ABLIM2: variants seen among roughly 807,000 people sequenced by gnomAD.
The protein encoded by ABLIM2 is actin binding LIM protein family member 2.
A neutral mutation model predicts 97.7 loss-of-function variants in ABLIM2; 53 were observed. The ratio of observed to expected loss-of-function variants is 0.54; its 90% CI spans 0.44 to 0.68. The LOEUF (loss-of-function observed/expected upper bound fraction) is 0.68, where lower values mean the gene tolerates loss of function less well. ABLIM2 is among the 30% of genes least tolerant of loss of function. The pLI is 0.00. For missense variants in ABLIM2, 835 were observed against 867.2 expected (o/e 0.96, Z 0.47); for synonymous variants, 361 against 345.8 (o/e 1.04, Z -0.49).
At chr4:8,064,309 G>A (rs1211346793) in intron 6 of ABLIM2, among the ~76,000 whole-genome samples, 1 of 152,206 alleles carries the variant, frequency 6.6e-6, no homozygotes, top group Non-Finnish European at 1.5e-5. Flanking sequence ...TATTGAGAGG[G>A]GGGCCCTTAA....
chr4:8,020,169 T>C (rs1772511814), intron 13 of ABLIM2, 33 bp downstream of exon 13: 2 of 1,593,660 alleles, frequency 1.3e-6, no homozygotes, highest in Non-Finnish European at 8.6e-7. Flanking sequence ...AGTTTCAGTG[T>C]AAGGAGCCCA....
intron 16 of ABLIM2, among the ~76,000 whole-genome samples, chr4:8,006,683 A>C (rs1560557183): frequency 6.6e-6 from 1 of 152,196 alleles, no homozygotes; most frequent in Admixed American, 6.5e-5. Context: ...TACACCAGCC[A>C]GGGGCAGGGA....
chr4:8,032,326 G>C lies in ABLIM2; in HGVS notation c.1048-2550C>G, dbSNP rs1019116170. Among the ~76,000 whole-genome samples, 4 of 152,146 alleles carry C rather than the reference G, an allele frequency of 2.6e-5. No individual in the cohort carries two copies. The highest frequency in any genetic ancestry group is 4.4e-5 in the Non-Finnish European group (3 of 68,028). ...CGTGGAGGGGCAGGAGGCAGGAAGC[G>C]CTCCCAGGCTCAGCCAGGATCCTGA... On this transcript the variant is annotated intron_variant, in intron 10 of 20. Coordinates refer to ENST00000447017, the MANE Select transcript of ABLIM2 (RefSeq NM_001130083.2). The surrounding 1 kb of genome is among the most constrained non-coding windows in gnomAD (Gnocchi z 4.3).
At chr4:8,126,907 A>G (rs182875750) in intron 1 of ABLIM2, among the ~76,000 whole-genome samples, 1 of 152,100 alleles carries the variant, frequency 6.6e-6, no homozygotes, top group African/African-American at 2.4e-5. Flanking sequence ...CTCTACTAAA[A>G]AAATTAAAAA....
intron 20 of ABLIM2, among the ~76,000 whole-genome samples, chr4:7,979,088 G>C (rs931564945): frequency 7.9e-5 from 12 of 152,242 alleles, no homozygotes; most frequent in African/African-American, 2.9e-4. Flanking sequence ...TTCCTAGCCA[G>C]TTCCTGCTGC....
intron 1 of ABLIM2, among the ~76,000 whole-genome samples, chr4:8,119,027 A>G (rs1365094709): frequency 6.6e-6 from 1 of 152,190 alleles, no homozygotes; most frequent in Non-Finnish European, 1.5e-5. Context: ...CACCTCTCTG[A>G]AACAGGACAA....
At chr4:8,065,954 G>T (rs1169095308) in intron 6 of ABLIM2, among the ~76,000 whole-genome samples, 2 of 142,926 alleles carry the variant, frequency 1.4e-5, no homozygotes, top group African/African-American at 5.2e-5. Context: ...GGGAATGGAA[G>T]GGAAGGAAAG....
rs956484306 is a variant in ABLIM2, at chr4:8,008,173, C to T, written c.1504G>A (p.Gly502Arg). ...KQKSSWLMLK[G>R]DADTRTNSPD... ...GAATTGGTCCTTGTGTCTGCATCCC[C>T]CTTGAGCATCAGCCAGCTGCTCTTC... The change falls in exon 16 of 21, where the codon GGG becomes AGG. Residue 502 changes from glycine to arginine, a missense_variant. Coordinates refer to ENST00000447017, the MANE Select transcript of ABLIM2 (RefSeq NM_001130083.2). 2.5e-5 allele frequency: 40 copies of T among 1,613,704 alleles called. No individual in the cohort carries two copies. Among genetic ancestry groups the T allele is most frequent in the Non-Finnish European group, 3.2e-5 (38 of 1,179,812 alleles).
rs1823026191 is a variant in ABLIM2, at chr4:8,085,622, A to C, written c.454+2547T>G. 6.8e-6 allele frequency among the ~76,000 whole-genome samples: 1 copy of C among 148,030 alleles called. No homozygotes were observed. Among genetic ancestry groups the C allele is most frequent in the South Asian group, 2.1e-4 (1 of 4,700 alleles). On this transcript the variant is annotated intron_variant, in intron 4 of 20. Coordinates refer to ENST00000447017, the MANE Select transcript of ABLIM2 (RefSeq NM_001130083.2). This position sits in a 1 kb window ranked among gnomAD's most constrained non-coding sequence, Gnocchi z 6.1. ...CGGGTCTGGGGGGTGCCCACGCTGC[A>C]GCCCTGTCCACTCACGCAGGTCTGG...
rs887702534 is a variant in ABLIM2, at chr4:8,122,544, C to A, written c.11-15907G>T. On this transcript the variant is annotated intron_variant, in intron 1 of 20. Coordinates refer to ENST00000447017, the MANE Select transcript of ABLIM2 (RefSeq NM_001130083.2). This position sits in a 1 kb window ranked among gnomAD's most constrained non-coding sequence, Gnocchi z 4.1. ...GAGAGCGCGCTCTGGGCAGGAGTCC[C>A]ATCATGAGGACCCCACCCTCACGAC... 5.3e-5 allele frequency among the ~76,000 whole-genome samples: 8 copies of A among 152,184 alleles called. No homozygotes were observed. Among genetic ancestry groups the A allele is most frequent in the Non-Finnish European group, 1.2e-4 (8 of 68,038 alleles).
chr4:8,064,116 C>T (rs1352203708), intron 6 of ABLIM2, among the ~76,000 whole-genome samples: 1 of 152,212 alleles, frequency 6.6e-6, no homozygotes, highest in East Asian at 1.9e-4. Flanking sequence ...CCCTGATTTC[C>T]TTTGTTCTGT....
chr4:8,082,495 C>T lies in ABLIM2; in HGVS notation c.455-1693G>A, dbSNP rs1194270196. Among the ~76,000 whole-genome samples the T allele has an allele frequency of 1.3e-5, 2 of 152,182 alleles. No homozygotes were observed. The highest frequency in any genetic ancestry group is 2.4e-5 in the African/African-American group (1 of 41,422). ...GAGCTCAGCAGAGGCTGCTTCCCTG[C>T]GTGGCTTCATTAGTTTCTTTTGGCA... On this transcript the variant is annotated intron_variant, in intron 4 of 20. Coordinates refer to ENST00000447017, the MANE Select transcript of ABLIM2 (RefSeq NM_001130083.2). This position sits in a 1 kb window ranked among gnomAD's most constrained non-coding sequence, Gnocchi z 5.6.
chr4:8,032,532 C>T lies in ABLIM2; in HGVS notation c.1048-2756G>A. ...TGTCACAAGGGCCGTGGCCCCGGGC[C>T]CCATGGTGAAGAGCCACCGAGGAGG... is the stretch of plus-strand genomic sequence containing the variant. On this transcript the variant is annotated intron_variant, in intron 10 of 20. Coordinates refer to ENST00000447017, the MANE Select transcript of ABLIM2 (RefSeq NM_001130083.2). The surrounding 1 kb of genome is among the most constrained non-coding windows in gnomAD (Gnocchi z 4.3). 1 of 1,362,998 alleles carries T rather than the reference C, an allele frequency of 7.3e-7. No homozygotes were observed. Among genetic ancestry groups the T allele is most frequent in the South Asian group, 1.2e-5 (1 of 82,862 alleles). The allele number at this position is 1,362,998 out of a possible 1,614,324, so 84.4% of individuals were successfully genotyped here. A position where few individuals can be genotyped will look rare whatever the true frequency, so the allele number is the denominator to read the frequency against.
In ABLIM2 at chr4:8,002,900, C is replaced by T. The variant is rs1036347134; in HGVS notation, c.1618+5159G>A. ...AGCCGTGCCAGGTACCGTCTCTCTG[C>T]ACTGACTACTTACTGTATTTGAAAG... is the stretch of plus-strand genomic sequence containing the variant. On this transcript the variant is annotated intron_variant, in intron 16 of 20. Coordinates refer to ENST00000447017, the MANE Select transcript of ABLIM2 (RefSeq NM_001130083.2). The surrounding 1 kb of genome is among the most constrained non-coding windows in gnomAD (Gnocchi z 6.1). Among the ~76,000 whole-genome samples, 9 of 152,234 alleles carry T rather than the reference C, an allele frequency of 5.9e-5. No individual in the cohort carries two copies. The highest frequency in any genetic ancestry group is 2.2e-4 in the African/African-American group (9 of 41,458).
At position 8,080,749 on chromosome 4, in the gene ABLIM2, C is replaced by T; in HGVS notation, c.508G>A (p.Asp170Asn). The T allele has an allele frequency of 1.9e-6, 3 of 1,612,720 alleles. No individual in the cohort carries two copies. The highest frequency in any genetic ancestry group is 2.5e-6 in the Non-Finnish European group (3 of 1,179,048). ...AAACAGCCCAAGTGCCAGTGCTTGT[C>T]CAAGGCTACCAGGGCCTGGCCATTC... ...IKNGQALVAL[D>N]KHWHLGCFKC... The change falls in exon 5 of 21, where the codon GAC (aspartate) becomes AAC (asparagine). Residue 170 changes from aspartate (D) to asparagine (N), a missense_variant. Physicochemically the swap from Asp to Asn is conservative, Grantham distance 23. Transcript: ENST00000447017.
In ABLIM2 at chr4:8,085,537, G is replaced by A. The variant is rs1427331993; in HGVS notation, c.454+2632C>T. 1.4e-5 allele frequency among the ~76,000 whole-genome samples: 2 copies of A among 146,014 alleles called. No individual in the cohort carries two copies. The highest frequency in any genetic ancestry group is 2.1e-4 in the East Asian group (1 of 4,832). On this transcript the variant is annotated intron_variant, in intron 4 of 20. Transcript: ENST00000447017. The surrounding 1 kb of genome is among the most constrained non-coding windows in gnomAD (Gnocchi z 6.1). ...ACACGGCTCTGGGGGTGCCCACGCT[G>A]CAGCCCCGTCCACTCACATGGCTCT...
chr4:8,071,706 C>A lies in ABLIM2; in HGVS notation c.675+5922G>T. On this transcript the variant is annotated intron_variant, in intron 6 of 20. Transcript: ENST00000447017. The surrounding 1 kb of genome is among the most constrained non-coding windows in gnomAD (Gnocchi z 6.2). The stretch of plus-strand genomic sequence containing the variant: ...CTGTCCCCAAAAACCCACCCACCCG[C>A]AGCCCCTCCTGGCCCCTGTGAGCCC... The A allele has an allele frequency of 1.1e-6, 1 of 896,348 alleles. No individual in the cohort carries two copies. The highest frequency in any genetic ancestry group is 1.3e-6 in the Non-Finnish European group (1 of 748,796). 55.5% of individuals were successfully genotyped at this position (896,348 alleles called of 1,614,324 possible).
intron 14 of ABLIM2, among the ~76,000 whole-genome samples, chr4:8,009,423 G>A (rs1223427563): frequency 1.3e-5 from 2 of 152,124 alleles, no homozygotes; most frequent in African/African-American, 4.8e-5. Context: ...TTGAGATGGA[G>A]TCTCGCTCTG....
At chr4:8,024,868 G>A (rs1328761337) in intron 12 of ABLIM2, among the ~76,000 whole-genome samples, 1 of 152,172 alleles carries the variant, frequency 6.6e-6, no homozygotes, top group Non-Finnish European at 1.5e-5. Context: ...GCAGAGCATG[G>A]GTGCCAGGCT....
Sources: allele counts gnomAD v4.1 joint callset (sites outside exome capture counted in the v4.1 genomes callset), GRCh38; gene constraint gnomAD v4.1.1; non-coding constraint Gnocchi (gnomAD v3.1); transcripts MANE v1.5; gene names NCBI Gene and HGNC (gene_info 2026-07-23, HGNC 2026-07-21).